The following FAM120C variants were observed in gnomAD, a reference collection of about 807,000 sequenced individuals.
The protein encoded by FAM120C is family with sequence similarity 120 member C, also known as constitutive coactivator of PPAR-gamma-like protein 2.
In FAM120C, 14 loss-of-function variants were observed where a neutral mutation model predicts 71.2. That is an observed-to-expected ratio of 0.20 (90% CI 0.13 to 0.31). The LOEUF is 0.31. Among genes scored for constraint, FAM120C ranks in the 10% least tolerant of loss-of-function variants. The probability of loss-of-function intolerance (pLI) is 1.00; values close to 1 mark genes in which losing one functional copy is unlikely to be tolerated. For missense variants in FAM120C, 500 were observed against 879.0 expected (o/e 0.57, Z 5.45); for synonymous variants, 354 against 353.2 (o/e 1.00, Z -0.03).
chrX:54,140,225 G>C (rs1415285496), intron 4 of FAM120C, among the ~76,000 whole-genome samples: 3 of 106,396 alleles, frequency 2.8e-5, no homozygotes, highest in African/African-American at 1.0e-4. Context: ...GAACCCAGGA[G>C]GCGGAGGTTG....
At chrX:54,132,596 A>C in intron 9 of FAM120C, 96 bp downstream of exon 9, 1 of 668,209 alleles carries the variant, frequency 1.5e-6, no homozygotes, top group South Asian at 3.9e-5. Flanking sequence ...ATTTTCTTAA[A>C]GACTACTCCA....
intron 10 of FAM120C, among the ~76,000 whole-genome samples, chrX:54,115,620 A>G (rs781792593): frequency 8.9e-6 from 1 of 111,842 alleles, no homozygotes; most frequent in East Asian, 2.8e-4. Context: ...CAGGAACACA[A>G]AGAGACACAG....
chrX:54,113,185 G>A (rs2066947073), intron 10 of FAM120C, among the ~76,000 whole-genome samples: 1 of 111,720 alleles, frequency 9.0e-6, no homozygotes, highest in African/African-American at 3.3e-5. Flanking sequence ...AAAGTGGCCG[G>A]GGGCGGTGGC....
intron 10 of FAM120C, among the ~76,000 whole-genome samples, chrX:54,111,688 A>G (rs2066938170): frequency 1.8e-5 from 2 of 112,314 alleles, no homozygotes; most frequent in Admixed American, 9.5e-5. Flanking sequence ...AAGAATCAAT[A>G]TTGTGAAAAT....
chrX:54,108,958 G>A (rs1557125284), intron 10 of FAM120C, among the ~76,000 whole-genome samples: 1 of 68,401 alleles, frequency 1.5e-5, no homozygotes. Context: ...AAATACAAGG[G>A]ACCCTGCTGT....
intron 4 of FAM120C, 107 bp from the exon 5 acceptor site, chrX:54,136,697 A>T (rs1359807486): frequency 5.3e-6 from 3 of 567,258 alleles, no homozygotes; most frequent in Non-Finnish European, 8.2e-6. Flanking sequence ...AAATATTTAA[A>T]GAAACCTAAG....
chrX:54,165,784 AT>A (rs1312148727), intron 1 of FAM120C, among the ~76,000 whole-genome samples: 10 of 109,386 alleles, frequency 9.1e-5, no homozygotes, highest in African/African-American at 3.0e-4. Flanking sequence ...CTCAAAAAAA[AT>A]AATAATAATA....
Position 54,081,382 on chromosome X carries a change from G to T in FAM120C, c.2918C>A (p.Ser973Tyr). Residue 973 changes from serine to tyrosine, a missense_variant, in exon 14 of 16, where the codon TCC (serine) becomes TAC (tyrosine). Transcript: ENST00000375180. ...GCCGAAGGATCCTCGGCCCCTGGAG[G>T]ATCTGCTGCCAGCCCACTGGCCCAC... is the stretch of plus-strand genomic sequence containing the variant. ...MVVGQWAGSR[S>Y]SRGRGSFGMQ... 8.3e-7 allele frequency: 1 copy of T among 1,209,468 alleles called. No individual in the cohort carries two copies.
intron 1 of FAM120C, among the ~76,000 whole-genome samples, chrX:54,162,827 T>C (rs782051218): frequency 4.7e-4 from 53 of 111,955 alleles, no homozygotes; most frequent in South Asian, 1.5e-3. Context: ...ATCTTCATTT[T>C]AAAGACAAAC....
At chrX:54,117,357 A>ACTAAACT in intron 9 of FAM120C, among the ~76,000 whole-genome samples, 1 of 10,534 alleles carries the variant, frequency 9.5e-5, no homozygotes, top group African/African-American at 1.4e-4. Context: ...TGTCTCTAAA[A>ACTAAACT]ATAAAATAAA....
At chrX:54,163,971 T>C (rs1188607387) in intron 1 of FAM120C, among the ~76,000 whole-genome samples, 4 of 108,517 alleles carry the variant, frequency 3.7e-5, no homozygotes, top group African/African-American at 1.3e-4. Context: ...CTCGCTCTGT[T>C]GCCCAGGCTG....
intron 9 of FAM120C, among the ~76,000 whole-genome samples, chrX:54,124,970 G>A (rs1451272621): frequency 9.0e-6 from 1 of 111,248 alleles, no homozygotes; most frequent in Non-Finnish European, 1.9e-5. Context: ...ATGTCCAGTT[G>A]ATCTAACACC....
intron 10 of FAM120C, among the ~76,000 whole-genome samples, chrX:54,108,032 G>T (rs1295901347): frequency 9.6e-6 from 1 of 104,415 alleles, no homozygotes; most frequent in Admixed American, 1.1e-4. Flanking sequence ...GCTGAAAAAT[G>T]CCAGAACCAG....
At chrX:54,117,154 T>C (rs1474424252) in intron 9 of FAM120C, among the ~76,000 whole-genome samples, 2 of 103,586 alleles carry the variant, frequency 1.9e-5, no homozygotes, top group African/African-American at 7.1e-5. Flanking sequence ...AGCCCAGGAG[T>C]ACAAGACCAG....
intron 8 of FAM120C, among the ~76,000 whole-genome samples, chrX:54,133,341 T>TA (rs2067077882): frequency 1.8e-5 from 2 of 111,159 alleles, no homozygotes; most frequent in Non-Finnish European, 3.8e-5. Context: ...CAAAATAAAA[T>TA]AAAATAAAGT....
intron 3 of FAM120C, among the ~76,000 whole-genome samples, chrX:54,155,146 G>A (rs1170821570): frequency 2.7e-5 from 3 of 111,761 alleles, no homozygotes; most frequent in Non-Finnish European, 5.6e-5. Flanking sequence ...CGAGGCTGTA[G>A]TGAGCCATGA....
intron 15 of FAM120C, 144 bp downstream of exon 15, chrX:54,080,088 C>A (rs2066756974): frequency 4.0e-6 from 2 of 505,175 alleles, no homozygotes. Flanking sequence ...CACTATACCA[C>A]TAGAATGAAA....
intron 11 of FAM120C, 59 bp downstream of exon 11, chrX:54,091,253 C>A: frequency 2.5e-6 from 2 of 810,942 alleles, no homozygotes; most frequent in East Asian, 3.2e-5. Context: ...AAAAAAAGAC[C>A]TAAAGTAGTG....
chrX:54,111,545 A>C (rs201939649), intron 10 of FAM120C, among the ~76,000 whole-genome samples: 2 of 1,271 alleles, frequency 1.6e-3, no homozygotes, highest in South Asian at 0.11. Flanking sequence ...CAATAGCTAC[A>C]AAAAAAAAAA....
Sources: gnomAD v4.1 joint callset for allele counts (sites outside exome capture counted in the v4.1 genomes callset) on GRCh38, gnomAD v4.1.1 for gene constraint, MANE v1.5 for transcripts, NCBI Gene and HGNC (gene_info 2026-07-23, HGNC 2026-07-21) for gene names.